Variants in DNAH6 observed in about 807,000 individuals in gnomAD.
The protein encoded by DNAH6 is dynein axonemal heavy chain 6, also known as axonemal beta dynein heavy chain 6.
In DNAH6, 340 loss-of-function variants were observed where a neutral mutation model predicts 491.4. The observed-to-expected ratio is 0.69, with a 90% CI of 0.63 to 0.76. DNAH6 has a LOEUF of 0.76. DNAH6 is among the 30% of genes least tolerant of loss of function. The pLI, the probability that DNAH6 is intolerant of heterozygous loss-of-function variation, is 0.00. For synonymous variants in DNAH6, 1,603 were observed against 1,686.1 expected (o/e 0.95, Z 1.21); for missense variants, 4,443 against 4,972.2 (o/e 0.89, Z 3.20).
At chr2:84,793,689 C>T (rs1425767899) in intron 68 of DNAH6, among the ~76,000 whole-genome samples, 3 of 152,180 alleles carry the variant, frequency 2.0e-5, no homozygotes, top group African/African-American at 7.2e-5. Flanking sequence ...CTCCTTTTTA[C>T]ATCTTGGAAT....
chr2:84,680,622 A>C (rs1693690283), intron 41 of DNAH6, among the ~76,000 whole-genome samples: 1 of 151,726 alleles, frequency 6.6e-6, no homozygotes, highest in Admixed American at 6.6e-5. Flanking sequence ...TGGCGGGGAC[A>C]TGGGGAGCAA....
intron 17 of DNAH6, 147 bp from the exon 18 acceptor site, chr2:84,595,499 T>C: frequency 1.5e-6 from 1 of 683,500 alleles, no homozygotes; most frequent in Non-Finnish European, 2.3e-6. Context: ...GCTGGATATA[T>C]AATGTTATTA....
At chr2:84,724,918 G>A (rs1698484355) in intron 60 of DNAH6, among the ~76,000 whole-genome samples, 1 of 152,208 alleles carries the variant, frequency 6.6e-6, no homozygotes, top group South Asian at 2.1e-4. Flanking sequence ...TTTGAGAGAA[G>A]GGGATTTAGA....
chr2:84,546,027 C>G (rs1042767548), intron 5 of DNAH6, among the ~76,000 whole-genome samples: 2 of 152,136 alleles, frequency 1.3e-5, no homozygotes, highest in African/African-American at 2.4e-5. Context: ...ATATGCATCG[C>G]TCCAAAGAAA....
At chr2:84,501,536 C>A in the DNAH6 span, among the ~76,000 whole-genome samples, 4 of 149,646 alleles carry the variant, frequency 2.7e-5, no homozygotes, top group East Asian at 7.9e-4. Flanking sequence ...GTAATACTGG[C>A]CTTGCAGAAT....
intron 72 of DNAH6, among the ~76,000 whole-genome samples, chr2:84,811,718 G>A (rs1239075520): frequency 1.3e-5 from 2 of 152,074 alleles, no homozygotes; most frequent in Non-Finnish European, 2.9e-5. Flanking sequence ...AAAATTATCT[G>A]GGCATGGTGG....
intron 63 of DNAH6, among the ~76,000 whole-genome samples, chr2:84,749,137 G>A (rs1057182448): frequency 1.3e-5 from 2 of 152,108 alleles, no homozygotes; most frequent in African/African-American, 4.8e-5. Context: ...CCAGTATTGG[G>A]AATCATATTT....
chr2:84,574,268 A>T (rs1230477262), intron 12 of DNAH6, among the ~76,000 whole-genome samples: 1 of 152,038 alleles, frequency 6.6e-6, no homozygotes, highest in African/African-American at 2.4e-5. Context: ...ATGAACCAGC[A>T]CTAATTTTTT....
intron 62 of DNAH6, among the ~76,000 whole-genome samples, chr2:84,739,105 A>G (rs2105013892): frequency 6.6e-6 from 1 of 152,302 alleles, no homozygotes; most frequent in South Asian, 2.1e-4. Context: ...CTTAGCATGG[A>G]AGGATATGAA....
At chr2:84,755,951 G>C (rs1267545119) in intron 63 of DNAH6, among the ~76,000 whole-genome samples, 1 of 152,168 alleles carries the variant, frequency 6.6e-6, no homozygotes, top group East Asian at 1.9e-4. Context: ...TTTTAAAAAA[G>C]AGGAGTTCCC....
chr2:84,654,563 T>C (rs1690767566), intron 34 of DNAH6, 97 bp from the exon 35 acceptor site: 1 of 1,469,432 alleles, frequency 6.8e-7, no homozygotes, highest in African/African-American at 1.4e-5. Context: ...TGTTAGACTT[T>C]AAAAGTGTGA....
chr2:84,685,246 G>A lies in DNAH6; in HGVS notation c.6917-80G>A, dbSNP rs1694156558. 5.6e-6 allele frequency: 6 copies of A among 1,069,062 alleles called. No homozygotes were observed. The East Asian group carries it at 1.1e-4, about 19-fold the overall frequency. 66.2% of individuals were successfully genotyped at this position (1,069,062 alleles called of 1,614,324 possible). ...AATATGAGGGTAAAGTTGTACTTAA[G>A]GGTTTCCTAATTAAACTATTACTGG... On this transcript the variant is annotated intron_variant, in intron 42 of 76. Transcript: ENST00000389394.
Position 84,722,739 on chromosome 2 carries a change from T to A in DNAH6, c.9907T>A (p.Phe3303Ile), listed in dbSNP as rs1427873753. 2 of 1,540,482 alleles carry A rather than the reference T, an allele frequency of 1.3e-6. No individual in the cohort carries two copies. Among genetic ancestry groups the A allele is most frequent in the African/African-American group, 2.8e-5 (2 of 72,202 alleles). ...PVATQGSVMY[F>I]VIASLSEIDP... is the part of the protein sequence containing the mutation. ...GGCCACTCAAGGCTCTGTAATGTAC[T>A]TTGTCATTGCAAGCCTCTCAGAAAT... The change falls in exon 60 of 77, where the codon TTT (phenylalanine) becomes ATT (isoleucine). Residue 3303 changes from phenylalanine (F) to isoleucine (I), a missense_variant. Physicochemically the swap from Phe to Ile is conservative, Grantham distance 21. This residue lies in a region of DNAH6 where 1,463 missense variants were observed against 1,656.6 expected (regional missense o/e 0.88). Coordinates refer to ENST00000389394, the MANE Select transcript of DNAH6 (RefSeq NM_001370.2).
chr2:84,819,312 A>C lies in DNAH6; in HGVS notation c.12381A>C (p.Ser4127=), dbSNP rs201871260. 7.4e-4 allele frequency: 1,142 copies of C among 1,548,998 alleles called. 11 individuals carry two copies. The highest frequency in any genetic ancestry group is 1.8e-4 in the Non-Finnish European group (204 of 1,145,820). ...RAGTLSTTGH[S]TNFVVTVLLP... ...TCCTATATCCTTAATTAGGACATTC[A>C]ACCAATTTTGTGGTAACCGTCCTGT... Residue 4127 remains serine (S), a synonymous_variant, in exon 77 of 77, where the codon TCA becomes TCC. Coordinates refer to ENST00000389394, the MANE Select transcript of DNAH6 (RefSeq NM_001370.2).
chr2:84,525,468 C>A, intron 2 of DNAH6, 97 bp from the exon 3 acceptor site: 3 of 1,221,372 alleles, frequency 2.5e-6, no homozygotes, highest in South Asian at 1.5e-5. Flanking sequence ...CCAAGGAGAT[C>A]AATTTCCAAC....
intron 2 of DNAH6, among the ~76,000 whole-genome samples, chr2:84,519,756 A>G (rs2104406324): frequency 6.9e-6 from 1 of 145,296 alleles, no homozygotes; most frequent in East Asian, 2.0e-4. Flanking sequence ...AAATTCCCCA[A>G]TCTCTGACCC....
the DNAH6 span, among the ~76,000 whole-genome samples, chr2:84,488,027 A>C: frequency 6.6e-6 from 1 of 152,152 alleles, no homozygotes; most frequent in African/African-American, 2.4e-5. Context: ...ATTCCAGTCT[A>C]CTTTTGTACT....
chr2:84,695,026 G>C (rs974185680), intron 46 of DNAH6, among the ~76,000 whole-genome samples: 1 of 152,058 alleles, frequency 6.6e-6, no homozygotes, highest in African/African-American at 2.4e-5. Context: ...GAATAAAAAA[G>C]TGATAGATTT....
intron 26 of DNAH6, among the ~76,000 whole-genome samples, chr2:84,624,040 A>G (rs1479130365): frequency 1.3e-5 from 2 of 152,166 alleles, no homozygotes; most frequent in Non-Finnish European, 2.9e-5. Flanking sequence ...ATGCTCTCTG[A>G]CCTTCAGTTT....
Sources: gnomAD v4.1 joint callset for allele counts (sites outside exome capture counted in the v4.1 genomes callset) on GRCh38, gnomAD v4.1.1 for gene constraint, gnomAD v4.1.1 regional missense constraint, MANE v1.5 for transcripts, NCBI Gene and HGNC (gene_info 2026-07-23, HGNC 2026-07-21) for gene names.